NXPH1: variants seen among roughly 807,000 people sequenced by gnomAD.
The protein encoded by NXPH1 is neurexophilin-1.
In NXPH1, 5 loss-of-function variants were observed where a neutral mutation model predicts 23.7. The observed-to-expected ratio is 0.21, with a 90% CI of 0.11 to 0.44. The LOEUF is 0.44. NXPH1 is among the 20% of genes least tolerant of loss of function. The pLI is 0.99. For missense variants in NXPH1, 324 were observed against 321.6 expected, an observed-to-expected ratio of 1.01 and a Z score of -0.06; for synonymous variants, 144 against 122.2, an observed-to-expected ratio of 1.18 and a Z score of -1.18.
chr7:8,481,556 C>T (rs561818841), intron 2 of NXPH1, among the ~76,000 whole-genome samples: 1 of 152,184 alleles, frequency 6.6e-6, no homozygotes, highest in East Asian at 1.9e-4. Context: ...GAGACATCTA[C>T]CAGATTGAAG....
intron 2 of NXPH1, among the ~76,000 whole-genome samples, chr7:8,474,947 G>T (rs929266185): frequency 6.6e-6 from 1 of 152,074 alleles, no homozygotes; most frequent in African/African-American, 2.4e-5. Flanking sequence ...ATGCTCCTGA[G>T]GCTTATGTGT....
At chr7:8,501,763 C>G (rs546435576) in intron 2 of NXPH1, among the ~76,000 whole-genome samples, 58 of 152,034 alleles carry the variant, frequency 3.8e-4, no homozygotes, top group African/African-American at 1.3e-3. Context: ...ACCAGTGCAG[C>G]AAGTAAAGAT....
At chr7:8,455,033 GT>G (rs966919354) in intron 2 of NXPH1, among the ~76,000 whole-genome samples, 1 of 152,016 alleles carries the variant, frequency 6.6e-6, no homozygotes, top group African/African-American at 2.4e-5. Flanking sequence ...TTTCATTTGT[GT>G]AGCCATTAAC....
At chr7:8,626,555 G>T (rs6463828) in intron 2 of NXPH1, among the ~76,000 whole-genome samples, 5,003 of 151,756 alleles carry the variant, frequency 0.033, 247 homozygotes, top group African/African-American at 0.11. Context: ...TCCTTACAAT[G>T]ACTGATAAGA....
At chr7:8,662,191 C>T (rs1240006039) in intron 2 of NXPH1, among the ~76,000 whole-genome samples, 17 of 146,598 alleles carry the variant, frequency 1.2e-4, no homozygotes, top group African/African-American at 4.6e-4. Context: ...TATATATATA[C>T]ACACATATAT....
At chr7:8,494,311 C>T (rs1217366770) in intron 2 of NXPH1, among the ~76,000 whole-genome samples, 2 of 151,784 alleles carry the variant, frequency 1.3e-5, no homozygotes, top group Non-Finnish European at 2.9e-5. Flanking sequence ...GTGATAAATC[C>T]CATGATTAGC....
chr7:8,726,622 G>A (rs909616643), intron 2 of NXPH1, among the ~76,000 whole-genome samples: 6 of 149,818 alleles, frequency 4.0e-5, no homozygotes, highest in Admixed American at 3.3e-4. Flanking sequence ...TACTGAGAAT[G>A]ATGATTTCCA....
At chr7:8,586,783 G>T (rs1223316440) in intron 2 of NXPH1, among the ~76,000 whole-genome samples, 16 of 152,024 alleles carry the variant, frequency 1.1e-4, no homozygotes, top group African/African-American at 3.6e-4. Context: ...CTTTGTGTTG[G>T]TTTTCTGTGT....
intron 2 of NXPH1, among the ~76,000 whole-genome samples, chr7:8,505,573 A>G (rs1817508661): frequency 6.6e-6 from 1 of 152,110 alleles, no homozygotes; most frequent in Non-Finnish European, 1.5e-5. Context: ...TTATATTAGC[A>G]AATCTAAATC....
chr7:8,647,191 C>G (rs951548468), intron 2 of NXPH1, among the ~76,000 whole-genome samples: 1 of 152,348 alleles, frequency 6.6e-6, no homozygotes, highest in East Asian at 1.9e-4. Flanking sequence ...AGCAGATGCA[C>G]AGGCTGCGCC....
chr7:8,434,888 G>A lies in NXPH1; in HGVS notation c.-111+133G>A, dbSNP rs903703425. The A allele has an allele frequency of 6.6e-6, 1 of 152,230 alleles. No homozygotes were observed. The highest frequency in any genetic ancestry group is 1.5e-5 in the Non-Finnish European group (1 of 68,072). 9.4% of individuals were successfully genotyped at this position (152,230 alleles called of 1,614,324 possible). On this transcript the variant is annotated intron_variant, in intron 1 of 2. Coordinates refer to ENST00000405863, the MANE Select transcript of NXPH1 (RefSeq NM_152745.3). This position sits in a 1 kb window ranked among gnomAD's most constrained non-coding sequence, Gnocchi z 7.6. ...CCTGGCAGGTGACCCTCACAGCTCG[G>A]AGGAGGCTTCTTCTCTAGAAGTTAG...
intron 2 of NXPH1, among the ~76,000 whole-genome samples, chr7:8,477,466 A>G (rs780869181): frequency 5.9e-5 from 9 of 152,136 alleles, no homozygotes; most frequent in Non-Finnish European, 8.8e-5. Flanking sequence ...TGACTGGGAA[A>G]ATGGCAATAA....
At chr7:8,535,090 T>C (rs969720209) in intron 2 of NXPH1, among the ~76,000 whole-genome samples, 3 of 152,116 alleles carry the variant, frequency 2.0e-5, no homozygotes, top group African/African-American at 7.2e-5. Context: ...TTGACTACTA[T>C]CTTTCCTTGT....
chr7:8,480,212 A>G (rs1379225332), intron 2 of NXPH1, among the ~76,000 whole-genome samples: 2 of 152,070 alleles, frequency 1.3e-5, no homozygotes, highest in African/African-American at 2.4e-5. Context: ...TAAACTATAC[A>G]TATATTTTCT....
intron 2 of NXPH1, among the ~76,000 whole-genome samples, chr7:8,567,486 A>G (rs1029541762): frequency 9.2e-5 from 14 of 151,988 alleles, no homozygotes; most frequent in Non-Finnish European, 7.4e-5. Context: ...TTTCTATAGA[A>G]TCACAATGAG....
intron 2 of NXPH1, among the ~76,000 whole-genome samples, chr7:8,741,855 T>C (rs1239051229): frequency 1.3e-5 from 2 of 152,130 alleles, no homozygotes; most frequent in Non-Finnish European, 2.9e-5. Context: ...GGTAATTTAT[T>C]AAGTGCTTAC....
At chr7:8,485,268 C>T (rs930818014) in intron 2 of NXPH1, among the ~76,000 whole-genome samples, 7 of 152,122 alleles carry the variant, frequency 4.6e-5, no homozygotes, top group Admixed American at 3.9e-4. Flanking sequence ...CTTTGCTCCT[C>T]ATTCACCTTC....
chr7:8,672,986 C>T (rs575119748), intron 2 of NXPH1, among the ~76,000 whole-genome samples: 1 of 152,222 alleles, frequency 6.6e-6, no homozygotes, highest in East Asian at 1.9e-4. Context: ...ATCAAGATTG[C>T]TTTAGTCAAG....
chr7:8,563,686 T>C (rs1478472492), intron 2 of NXPH1, among the ~76,000 whole-genome samples: 1 of 151,710 alleles, frequency 6.6e-6, no homozygotes, highest in African/African-American at 2.4e-5. Flanking sequence ...AGGTTACCCA[T>C]TTGGAAATTC....
Sources: allele counts gnomAD v4.1 joint callset (sites outside exome capture counted in the v4.1 genomes callset), GRCh38; gene constraint gnomAD v4.1.1; non-coding constraint Gnocchi (gnomAD v3.1); transcripts MANE v1.5; gene names NCBI Gene and HGNC (gene_info 2026-07-23, HGNC 2026-07-21).